Variants in MAP4 observed in about 807,000 individuals in gnomAD.
MAP4 encodes microtubule-associated protein 4.
In MAP4, 76 loss-of-function variants were observed where a neutral mutation model predicts 170.2. The ratio of observed to expected loss-of-function variants is 0.45; its 90% CI spans 0.37 to 0.54. MAP4 has a LOEUF of 0.54. Among genes scored for constraint, MAP4 ranks in the 20% least tolerant of loss-of-function variants. The probability of loss-of-function intolerance (pLI) is 0.00; values close to 1 mark genes in which losing one functional copy is unlikely to be tolerated. For missense variants in MAP4, 2,506 were observed against 2,748.0 expected, an observed-to-expected ratio of 0.91 and a Z score of 1.97; for synonymous variants, 909 against 994.5, an observed-to-expected ratio of 0.91 and a Z score of 1.62.
intron 3 of MAP4, among the ~76,000 whole-genome samples, chr3:47,950,339 G>A (rs1255175013): frequency 6.6e-6 from 1 of 152,190 alleles, no homozygotes; most frequent in East Asian, 1.9e-4. Context: ...GATCTCAGAG[G>A]ACGGACTTAA....
intron 9 of MAP4, among the ~76,000 whole-genome samples, chr3:47,908,199 C>G (rs1052239894): frequency 5.8e-5 from 7 of 120,054 alleles, no homozygotes; most frequent in Non-Finnish European, 1.2e-4. Context: ...TAAATGTATA[C>G]TTTTTTGGGG....
chr3:47,974,442 T>C (rs2100080751), intron 3 of MAP4: 1 of 980,556 alleles, frequency 1.0e-6, no homozygotes, highest in African/African-American at 1.8e-5. Context: ...AAACAATGTA[T>C]ATCTCAAAAT....
At chr3:47,928,084 G>A (rs968945169) in intron 4 of MAP4, 144 bp downstream of exon 4, 1 of 918,212 alleles carries the variant, frequency 1.1e-6, no homozygotes, top group Non-Finnish European at 1.6e-6. Flanking sequence ...GATAAATGAA[G>A]AAGAGAAAGG....
chr3:47,995,075 C>A lies in MAP4; in HGVS notation c.223+3563G>T, dbSNP rs186451777. Reference sequence around the variant, plus strand: ...GGGAGAATTTGTTTTACCGTACATCCCTTTGGACCAATTGGATTTTGTACA... The same window carrying A: ...GGGAGAATTTGTTTTACCGTACATCACTTTGGACCAATTGGATTTTGTACA... On this transcript the variant is annotated intron_variant, in intron 2 of 20. Transcript: ENST00000683076. 3.9e-4 allele frequency among the ~76,000 whole-genome samples: 59 copies of A among 152,006 alleles called. 1 individual carries two copies. The highest frequency in any genetic ancestry group is 1.3e-3 in the African/African-American group (55 of 41,458).
chr3:48,076,787 T>C (rs1480230661), intron 1 of MAP4, among the ~76,000 whole-genome samples: 1 of 152,140 alleles, frequency 6.6e-6, no homozygotes, highest in Non-Finnish European at 1.5e-5. Context: ...ATGTGACACC[T>C]ATAGCACAAG....
At position 47,928,209 on chromosome 3, in the gene MAP4, C is replaced by G; in HGVS notation, c.415+19G>C. The G allele has an allele frequency of 6.2e-7, 1 of 1,612,698 alleles. No individual in the cohort carries two copies. The highest frequency in any genetic ancestry group is 8.5e-7 in the Non-Finnish European group (1 of 1,179,582). The stretch of plus-strand genomic sequence containing the variant: ...TGTCATAGCACACATTTAGTAGTCA[C>G]GAGCAAGCCAACACTTACCAGTCTG... On this transcript the variant is annotated intron_variant, in intron 4 of 20. Coordinates refer to ENST00000683076, the MANE Select transcript of MAP4 (RefSeq NM_001385682.1).
intron 2 of MAP4, among the ~76,000 whole-genome samples, chr3:47,985,237 G>C (rs575965495): frequency 1.1e-4 from 17 of 151,796 alleles, no homozygotes; most frequent in African/African-American, 3.9e-4. Context: ...CCAAGATGGT[G>C]CCACTGCACT....
intron 2 of MAP4, among the ~76,000 whole-genome samples, chr3:47,985,405 C>A (rs1263883853): frequency 6.6e-6 from 1 of 152,152 alleles, no homozygotes; most frequent in Non-Finnish European, 1.5e-5. Flanking sequence ...TGCCACTGCA[C>A]TCCAGCTAGG....
chr3:48,070,559 C>T (rs924451904), intron 1 of MAP4, among the ~76,000 whole-genome samples: 5 of 151,860 alleles, frequency 3.3e-5, no homozygotes, highest in Admixed American at 2.0e-4. Flanking sequence ...TGGCCTCAAG[C>T]AATCCTCCCA....
chr3:48,015,594 T>C (rs2100107408), intron 1 of MAP4, among the ~76,000 whole-genome samples: 1 of 152,228 alleles, frequency 6.6e-6, no homozygotes, highest in African/African-American at 2.4e-5. Context: ...AGCAGGTTTT[T>C]AGTTACTAAT....
At chr3:47,928,376 G>C (rs1414661305) in intron 3 of MAP4, 26 bp from the exon 4 acceptor site, 2 of 1,612,482 alleles carry the variant, frequency 1.2e-6, no homozygotes, top group African/African-American at 1.3e-5. Flanking sequence ...CAAAACAAAA[G>C]TTACAAGATA....
intron 15 of MAP4, 35 bp from the exon 16 acceptor site, chr3:47,869,362 C>A: frequency 7.0e-7 from 1 of 1,420,960 alleles, no homozygotes; most frequent in Non-Finnish European, 1.0e-6. Flanking sequence ...AATTTCAAAC[C>A]AAGAGGATAA....
intron 1 of MAP4, among the ~76,000 whole-genome samples, chr3:48,029,393 G>T (rs575499412): frequency 2.6e-5 from 4 of 151,834 alleles, no homozygotes; most frequent in Non-Finnish European, 5.9e-5. Flanking sequence ...CCGAGATGGC[G>T]CCACTGAACT....
intron 2 of MAP4, among the ~76,000 whole-genome samples, chr3:47,994,317 C>T (rs1369538720): frequency 6.6e-6 from 1 of 152,094 alleles, no homozygotes; most frequent in Non-Finnish European, 1.5e-5. Context: ...CTTTGACTGA[C>T]TAACATAAAC....
intron 1 of MAP4, among the ~76,000 whole-genome samples, chr3:48,080,881 T>C (rs548171114): frequency 2.0e-5 from 3 of 152,116 alleles, no homozygotes; most frequent in Non-Finnish European, 4.4e-5. Flanking sequence ...TCCGAGCACT[T>C]TGGGAGGCCA....
At chr3:47,918,335 G>C (rs1326721690) in intron 6 of MAP4, among the ~76,000 whole-genome samples, 1 of 151,648 alleles carries the variant, frequency 6.6e-6, no homozygotes, top group African/African-American at 2.4e-5. Flanking sequence ...GGCTGGGCTG[G>C]TCTGGAACTC....
chr3:48,000,220 T>G (rs1420871426), intron 1 of MAP4, among the ~76,000 whole-genome samples: 1 of 9,288 alleles, frequency 1.1e-4, no homozygotes, highest in Non-Finnish European at 1.8e-4. Context: ...GACTCCCCCA[T>G]CAAAAAAAAA....
intron 10 of MAP4, among the ~76,000 whole-genome samples, chr3:47,882,249 A>G (rs1306002381): frequency 6.6e-6 from 1 of 152,236 alleles, no homozygotes; most frequent in Non-Finnish European, 1.5e-5. Flanking sequence ...ACTGCACTCC[A>G]GCCTGGGTGA....
chr3:47,891,822 A>G, intron 10 of MAP4: 1 of 1,536,302 alleles, frequency 6.5e-7, no homozygotes, highest in African/African-American at 1.4e-5. Context: ...AGCTGCTCAG[A>G]GTTATCATTT....
Sources: gnomAD v4.1 joint callset for allele counts (sites outside exome capture counted in the v4.1 genomes callset) on GRCh38, gnomAD v4.1.1 for gene constraint, MANE v1.5 for transcripts, NCBI Gene and HGNC (gene_info 2026-07-23, HGNC 2026-07-21) for gene names.